Variants in GRIN2A observed in about 807,000 individuals in gnomAD.
The protein encoded by GRIN2A is glutamate receptor ionotropic, NMDA 2A.
GRIN2A carries 22 observed loss-of-function variants against 113.4 expected under a neutral mutation model. The ratio of observed to expected loss-of-function variants is 0.19; its 90% CI spans 0.14 to 0.28. GRIN2A has a LOEUF of 0.28. Among genes scored for constraint, GRIN2A ranks in the 10% least tolerant of loss-of-function variants. The pLI is 1.00. For missense variants in GRIN2A, 1,502 were observed against 1,887.0 expected (o/e 0.80, Z 3.78); for synonymous variants, 827 against 738.4 (o/e 1.12, Z -1.94).
At position 9,755,583 on chromosome 16, in the gene GRIN2A, A is replaced by G. The variant is rs1330469421; in HGVS notation, c.*7566T>C. ...CCTTCAAATCCCCGCTAGTGTCCTC[A>G]TCCATCAAATGGGCCTAATGCACCC... On this transcript the variant is annotated 3_prime_UTR_variant, in exon 13 of 13. Transcript: ENST00000330684. 4 of 183,912 alleles carry G rather than the reference A, an allele frequency of 2.2e-5. No individual in the cohort carries two copies. The highest frequency in any genetic ancestry group is 1.9e-4 in the Admixed American group (3 of 15,980). 11.4% of individuals were successfully genotyped at this position (183,912 alleles called of 1,614,324 possible).
rs139721154 is a variant in GRIN2A at position 10,042,809 on chromosome 16, C to G, written c.415-104258G>C. Among the ~76,000 whole-genome samples the G allele has an allele frequency of 1.3e-3, 194 of 152,252 alleles. 1 individual carries two copies. The highest frequency in any genetic ancestry group is 8.2e-4 in the Non-Finnish European group (56 of 68,018). ...TAAGGGGGCCATAGGAAGATAAAAT[C>G]TCTCTTCTGCCACATTTGTGTCTGT... On this transcript the variant is annotated intron_variant, in intron 2 of 12. Transcript: ENST00000330684.
At chr16:10,130,847 T>C (rs140987474) in intron 2 of GRIN2A, among the ~76,000 whole-genome samples, 4 of 152,308 alleles carry the variant, frequency 2.6e-5, no homozygotes, top group African/African-American at 9.6e-5. Context: ...TAAAATGGAT[T>C]GTGCTAACAT....
At chr16:9,899,330 C>T (rs2043869964) in intron 3 of GRIN2A, among the ~76,000 whole-genome samples, 1 of 149,246 alleles carries the variant, frequency 6.7e-6, no homozygotes, top group Non-Finnish European at 1.5e-5. Context: ...ATCCCAGCTA[C>T]TCATGTGGCT....
chr16:9,798,516 G>A (rs755432957), intron 10 of GRIN2A, 52 bp from the exon 11 acceptor site: 30 of 1,440,290 alleles, frequency 2.1e-5, no homozygotes, highest in Admixed American at 5.0e-5. Flanking sequence ...TACCACCTCG[G>A]GGTCCAGCTC....
chr16:10,123,239 C>T (rs1375069), intron 2 of GRIN2A, among the ~76,000 whole-genome samples: 1 of 151,944 alleles, frequency 6.6e-6, no homozygotes, highest in African/African-American at 2.4e-5. Context: ...CCAAAACTTC[C>T]CTTGCAATAG....
chr16:10,024,584 T>C (rs544091863), intron 2 of GRIN2A, among the ~76,000 whole-genome samples: 26 of 152,368 alleles, frequency 1.7e-4, no homozygotes, highest in African/African-American at 6.0e-4. Context: ...TTACCACGTC[T>C]TCTCTGTCTC....
chr16:10,127,331 A>G (rs1373857450), intron 2 of GRIN2A, among the ~76,000 whole-genome samples: 2 of 152,156 alleles, frequency 1.3e-5, no homozygotes, highest in Non-Finnish European at 2.9e-5. Context: ...GGCATCCATG[A>G]AAATGTGGAG....
chr16:9,865,558 C>T (rs1373695456), intron 4 of GRIN2A, among the ~76,000 whole-genome samples: 2 of 152,216 alleles, frequency 1.3e-5, no homozygotes, highest in East Asian at 1.9e-4. Flanking sequence ...TTCAAACTCA[C>T]ACAAATTATA....
intron 2 of GRIN2A, among the ~76,000 whole-genome samples, chr16:9,980,085 C>G (rs955995290): frequency 6.6e-6 from 1 of 151,214 alleles, no homozygotes. Flanking sequence ...CATGGTGAAA[C>G]CCCCATCTCT....
At chr16:10,017,730 G>C (rs1024412566) in intron 2 of GRIN2A, among the ~76,000 whole-genome samples, 4 of 152,090 alleles carry the variant, frequency 2.6e-5, no homozygotes, top group South Asian at 2.1e-4. Context: ...CTTCCTTTGG[G>C]TGCAACATTT....
intron 4 of GRIN2A, among the ~76,000 whole-genome samples, chr16:9,872,621 C>T (rs1596524125): frequency 6.6e-6 from 1 of 152,108 alleles, no homozygotes; most frequent in Non-Finnish European, 1.5e-5. Flanking sequence ...GGTATATATA[C>T]ACAATGAAAT....
intron 7 of GRIN2A, among the ~76,000 whole-genome samples, chr16:9,835,170 T>G (rs1280651286): frequency 6.6e-6 from 1 of 152,212 alleles, no homozygotes; most frequent in Non-Finnish European, 1.5e-5. Flanking sequence ...ATCTTGTTGA[T>G]GTTGGTAGCA....
chr16:9,792,092 T>TGC (rs1216162442), intron 11 of GRIN2A, among the ~76,000 whole-genome samples: 1 of 139,510 alleles, frequency 7.2e-6, no homozygotes, highest in African/African-American at 2.9e-5. Flanking sequence ...TGTGTGTGTG[T>TGC]GTGTGTGTGT....
chr16:10,019,625 G>A (rs551318913), intron 2 of GRIN2A, among the ~76,000 whole-genome samples: 4 of 152,244 alleles, frequency 2.6e-5, no homozygotes, highest in South Asian at 2.1e-4. Context: ...CAACCCTGCC[G>A]GGTACCCCCA....
At chr16:9,784,506 A>G (rs1237935402) in intron 11 of GRIN2A, among the ~76,000 whole-genome samples, 2 of 151,972 alleles carry the variant, frequency 1.3e-5, no homozygotes, top group Admixed American at 6.6e-5. Context: ...AACCTAGGCA[A>G]TACCACTCAG....
intron 2 of GRIN2A, among the ~76,000 whole-genome samples, chr16:10,089,072 T>C (rs927389998): frequency 2.6e-5 from 4 of 152,234 alleles, no homozygotes; most frequent in Non-Finnish European, 4.4e-5. Context: ...GAGGCCACTG[T>C]AGTTATTAAG....
chr16:9,992,496 C>T (rs746394520), intron 2 of GRIN2A, among the ~76,000 whole-genome samples: 12 of 152,212 alleles, frequency 7.9e-5, no homozygotes, highest in Admixed American at 2.6e-4. Context: ...CAATATATTT[C>T]TCAGTTCCCA....
At position 10,180,215 on chromosome 16, in the gene GRIN2A, T is replaced by C; in HGVS notation, c.197A>G (p.Asp66Gly). The C allele has an allele frequency of 6.2e-7, 1 of 1,614,102 alleles. No individual in the cohort carries two copies. Among genetic ancestry groups the C allele is most frequent in the Non-Finnish European group, 8.5e-7 (1 of 1,180,038 alleles). Residue 66 changes from aspartate (D) to glycine (G), a missense_variant, in exon 2 of 13, where the codon GAC becomes GGC. This residue lies in a region of GRIN2A where 149 missense variants were observed against 179.1 expected (regional missense o/e 0.83). Coordinates refer to ENST00000330684, the MANE Select transcript of GRIN2A (RefSeq NM_001134407.3). The surrounding 1 kb of genome is among the most constrained non-coding windows in gnomAD (Gnocchi z 7.0). ...CATCAGCAGAGCTACCACGTTCACG[T>C]CCAGGGGCAGCCCCGCCGCCTGCTC... Reference protein sequence around the residue: ...GPEQAAGLPLDVNVVALLMNR... With the variant: ...GPEQAAGLPLGVNVVALLMNR...
intron 10 of GRIN2A, among the ~76,000 whole-genome samples, chr16:9,814,331 A>G (rs920607767): frequency 6.6e-6 from 1 of 152,186 alleles, no homozygotes; most frequent in Admixed American, 6.5e-5. Context: ...TGAATAGCCT[A>G]TTGGGTAATT....
Sources: gnomAD v4.1 joint callset for allele counts (sites outside exome capture counted in the v4.1 genomes callset) on GRCh38, gnomAD v4.1.1 for gene constraint, gnomAD v4.1.1 regional missense constraint, Gnocchi (gnomAD v3.1) non-coding constraint, MANE v1.5 for transcripts, NCBI Gene and HGNC (gene_info 2026-07-23, HGNC 2026-07-21) for gene names.